XKR5: variants seen among roughly 807,000 people sequenced by gnomAD.
The protein encoded by XKR5 is XK related 5, also known as XK-related protein 5.
Under a neutral mutation model 40.8 loss-of-function variants are expected in XKR5, and 46 were observed. The observed-to-expected ratio is 1.13, with a 90% CI of 0.89 to 1.44. The LOEUF is 1.44. Ranked by LOEUF, XKR5 falls within the 40% of genes most tolerant of loss-of-function variation. The probability of loss-of-function intolerance (pLI) is 0.00; values close to 1 mark genes in which losing one functional copy is unlikely to be tolerated. For synonymous variants in XKR5, 466 were observed against 356.1 expected (o/e 1.31, Z -3.48); for missense variants, 1,169 against 844.7 (o/e 1.38, Z -4.76).
chr8:6,831,120 G>A (rs1804745494), intron 2 of XKR5, among the ~76,000 whole-genome samples: 1 of 152,198 alleles, frequency 6.6e-6, no homozygotes, highest in Admixed American at 6.5e-5. Flanking sequence ...GAGGGCTCAT[G>A]CCTTACGACT....
intron 6 of XKR5, among the ~76,000 whole-genome samples, 173 bp from the exon 7 acceptor site, chr8:6,812,512 C>T (rs1357837906): frequency 1.3e-5 from 2 of 152,166 alleles, no homozygotes; most frequent in African/African-American, 4.8e-5. Context: ...TAAGTAGGTT[C>T]CAGCTTCTGT....
rs1259026370 is a variant in XKR5 at position 6,812,112 on chromosome 8, C to A, written c.1147G>T (p.Val383Phe). ...ILGKPPTPEQ[V>F]PPEAGLGTQV... Reference sequence around the variant, plus strand: ...GTCCCCAGCCCAGCCTCTGGGGGGACCTGCTCAGGGGTAGGGGGCTTCCCT... The same window carrying A: ...GTCCCCAGCCCAGCCTCTGGGGGGAACTGCTCAGGGGTAGGGGGCTTCCCT... Residue 383 changes from valine to phenylalanine, a missense_variant, in exon 7 of 7, where the codon GTC becomes TTC. Transcript: ENST00000618742. 4.8e-5 allele frequency: 74 copies of A among 1,546,786 alleles called. No homozygotes were observed. Among genetic ancestry groups the A allele is most frequent in the Non-Finnish European group, 6.2e-5 (71 of 1,147,002 alleles).
chr8:6,811,802 C>G lies in XKR5; in HGVS notation c.1457G>C (p.Ser486Thr). The G allele has an allele frequency of 6.5e-7, 1 of 1,537,662 alleles. No individual in the cohort carries two copies. The highest frequency in any genetic ancestry group is 8.7e-7 in the Non-Finnish European group (1 of 1,147,014). Residue 486 changes from serine (S) to threonine (T), a missense_variant, in exon 7 of 7, where the codon AGT (serine) becomes ACT (threonine). Ser to Thr is a moderately conservative substitution (Grantham distance 58). Transcript: ENST00000618742. Reference protein sequence around the residue: ...KAEADPLETSSYVSFASDQQD... With the variant: ...KAEADPLETSTYVSFASDQQD... ...CTGATCGCTGGCAAAAGATACGTAACTTGAGGTTTCCAATGGGTCGGCCTC... is the reference window on the plus strand; with the variant it reads ...CTGATCGCTGGCAAAAGATACGTAAGTTGAGGTTTCCAATGGGTCGGCCTC...
chr8:6,823,159 G>A (rs1457651103), intron 4 of XKR5, among the ~76,000 whole-genome samples: 4 of 152,162 alleles, frequency 2.6e-5, no homozygotes, highest in Admixed American at 2.6e-4. Flanking sequence ...GTACTCATCG[G>A]GAGCTGCAGT....
At chr8:6,821,788 A>C in intron 5 of XKR5, 81 bp downstream of exon 5, 1 of 1,304,500 alleles carries the variant, frequency 7.7e-7, no homozygotes, top group Non-Finnish European at 1.1e-6. Flanking sequence ...GCACACACAC[A>C]CACACCCCCC....
intron 2 of XKR5, among the ~76,000 whole-genome samples, chr8:6,828,086 G>A (rs1467260106): frequency 1.3e-5 from 2 of 152,008 alleles, no homozygotes; most frequent in Non-Finnish European, 1.5e-5. Flanking sequence ...AAAGAAAAGG[G>A]GGGAAGTGAA....
chr8:6,826,118 A>G (rs1195092015), intron 2 of XKR5, among the ~76,000 whole-genome samples: 1 of 152,124 alleles, frequency 6.6e-6, no homozygotes, highest in Non-Finnish European at 1.5e-5. Context: ...GTGAACACAC[A>G]TGTGGTGTAC....
chr8:6,831,856 A>C (rs1454185199), intron 2 of XKR5, among the ~76,000 whole-genome samples: 1 of 152,052 alleles, frequency 6.6e-6, no homozygotes, highest in Non-Finnish European at 1.5e-5. Flanking sequence ...TCGACTAAAA[A>C]TACAAAAAAT....
rs185073034 is a variant in XKR5 at position 6,834,672 on chromosome 8, C to T, written c.58+764G>A. Among the ~76,000 whole-genome samples the T allele has an allele frequency of 7.2e-3, 1,090 of 151,794 alleles. 16 individuals are homozygous for T. The highest frequency in any genetic ancestry group is 0.025 in the African/African-American group (1,008 of 41,076). On this transcript the variant is annotated intron_variant, in intron 1 of 6. Transcript: ENST00000618742. The stretch of plus-strand genomic sequence containing the variant: ...CAAGGCGGCGTTCCCAGGGTACCCC[C>T]TCTTCCACCCCAGGGACTCTGCCCG...
chr8:6,828,085 G>A (rs531009571), intron 2 of XKR5, among the ~76,000 whole-genome samples: 4 of 152,020 alleles, frequency 2.6e-5, no homozygotes, highest in African/African-American at 9.7e-5. Flanking sequence ...AAAAGAAAAG[G>A]GGGGAAGTGA....
rs112683393 is a variant in XKR5 at position 6,824,939 on chromosome 8, G to T, written c.427+226C>A. 3.3e-4 allele frequency among the ~76,000 whole-genome samples: 51 copies of T among 152,252 alleles called. 1 individual carries two copies. Among genetic ancestry groups the T allele is most frequent in the African/African-American group, 1.0e-3 (42 of 41,536 alleles). On this transcript the variant is annotated intron_variant, in intron 3 of 6. Transcript: ENST00000618742. The stretch of plus-strand genomic sequence containing the variant: ...GATTATGGGCAATTTCTATCTTATG[G>T]GCTGACTTTAGAACATGACCCTTAA...
chr8:6,824,719 AT>A (rs1190516185), intron 3 of XKR5, among the ~76,000 whole-genome samples: 1 of 147,954 alleles, frequency 6.8e-6, no homozygotes, highest in African/African-American at 2.5e-5. Flanking sequence ...TTTGGTAGAG[AT>A]GGGTTTTTGC....
At chr8:6,817,464 C>T (rs1468440369) in intron 5 of XKR5, among the ~76,000 whole-genome samples, 2 of 152,126 alleles carry the variant, frequency 1.3e-5, no homozygotes, top group African/African-American at 2.4e-5. Context: ...CCCTGGCCAA[C>T]GAGAACTCCA....
At chr8:6,820,719 G>A (rs934073128) in intron 5 of XKR5, among the ~76,000 whole-genome samples, 1 of 152,198 alleles carries the variant, frequency 6.6e-6, no homozygotes. Context: ...GCTGAGGTTG[G>A]TGAGGCTCAG....
intron 6 of XKR5, among the ~76,000 whole-genome samples, chr8:6,814,535 C>T (rs907672454): frequency 6.6e-6 from 1 of 152,130 alleles, no homozygotes; most frequent in East Asian, 1.9e-4. Flanking sequence ...AAGGGTTCTC[C>T]CTGCACCTCG....
rs1243109691 is a variant in XKR5 at position 6,832,774 on chromosome 8, T to C, written c.185A>G (p.His62Arg). ...LSYLWFRADG[H>R]PGHCSLMMLH... ...CATCATCAAGGAGCAATGCCCTGGA[T>C]GCCCGTCTGCTCGGAACCACAGGTA... is the stretch of plus-strand genomic sequence containing the variant. Residue 62 changes from histidine to arginine, a missense_variant, in exon 2 of 7, where the codon CAT becomes CGT. By Grantham distance (29) the His-to-Arg change is conservative. Coordinates refer to ENST00000618742, the MANE Select transcript of XKR5 (RefSeq NM_207411.5). 1 of 1,613,448 alleles carries C rather than the reference T, an allele frequency of 6.2e-7. No individual in the cohort carries two copies. Among genetic ancestry groups the C allele is most frequent in the Non-Finnish European group, 8.5e-7 (1 of 1,179,688 alleles).
Position 6,808,729 on chromosome 8 carries a change from A to G in XKR5, c.*2469T>C, listed in dbSNP as rs1332153822. 1.3e-5 allele frequency: 2 copies of G among 152,158 alleles called. No homozygotes were observed. Among genetic ancestry groups the G allele is most frequent in the Non-Finnish European group, 2.9e-5 (2 of 68,044 alleles). The allele number at this position is 152,158 out of a possible 1,614,324, so 9.4% of individuals were successfully genotyped here. A position where few individuals can be genotyped will look rare whatever the true frequency, so the allele number is the denominator to read the frequency against. On this transcript the variant is annotated 3_prime_UTR_variant, in exon 7 of 7. Coordinates refer to ENST00000618742, the MANE Select transcript of XKR5 (RefSeq NM_207411.5). ...GTCATACTCAACTAATATTCCTTAA[A>G]TGAATGAATGAATGAAGAGTATTTC...
intron 6 of XKR5, among the ~76,000 whole-genome samples, chr8:6,813,955 C>T (rs957157630): frequency 2.6e-5 from 4 of 152,214 alleles, no homozygotes; most frequent in Admixed American, 2.6e-4. Context: ...CACCACACTG[C>T]CCCCAGGACT....
At chr8:6,815,972 G>T in intron 5 of XKR5, 54 bp from the exon 6 acceptor site, 9 of 1,392,558 alleles carry the variant, frequency 6.5e-6, no homozygotes, top group Non-Finnish European at 9.0e-6. Context: ...ACTGCCTAGG[G>T]ACCCCCGTCC....
Sources: gnomAD v4.1 joint callset for allele counts (sites outside exome capture counted in the v4.1 genomes callset) on GRCh38, gnomAD v4.1.1 for gene constraint, MANE v1.5 for transcripts, NCBI Gene and HGNC (gene_info 2026-07-23, HGNC 2026-07-21) for gene names.